Variants in ANK2 observed in about 807,000 individuals in gnomAD.
The protein encoded by ANK2 is ankyrin-2.
Under a neutral mutation model 360.5 loss-of-function variants are expected in ANK2, and 83 were observed. The observed-to-expected ratio is 0.23, with a 90% confidence interval of 0.19 to 0.28. The LOEUF (loss-of-function observed/expected upper bound fraction) is 0.28. ANK2 is among the 10% of genes least tolerant of loss of function. ANK2 has a pLI of 1.00. For synonymous variants in ANK2, 1,740 were observed against 1,759.5 expected, an observed-to-expected ratio of 0.99 and a Z score of 0.28; for missense variants, 4,201 against 4,795.7, an observed-to-expected ratio of 0.88 and a Z score of 3.66.
intron 37 of ANK2, 65 bp from the exon 38 acceptor site, chr4:113,352,980 A>T: frequency 1.9e-6 from 3 of 1,570,522 alleles, no homozygotes; most frequent in Non-Finnish European, 2.6e-6. Context: ...TTCAGTCCTG[A>T]TTACATTTGC....
At chr4:112,806,792 C>T in the ANK2 span, among the ~76,000 whole-genome samples, 1 of 152,134 alleles carries the variant, frequency 6.6e-6, no homozygotes, top group Non-Finnish European at 1.5e-5. Flanking sequence ...GATGACGCCA[C>T]TGTACTCCAG....
At chr4:113,271,813 G>A (rs903116717) in intron 14 of ANK2, among the ~76,000 whole-genome samples, 1 of 152,186 alleles carries the variant, frequency 6.6e-6, no homozygotes, top group African/African-American at 2.4e-5. Context: ...TGGACAGACT[G>A]GAGAGCAGGG....
chr4:113,373,639 T>G (rs769209231), intron 45 of ANK2, 190 bp downstream of exon 45: 1 of 770,018 alleles, frequency 1.3e-6, no homozygotes, highest in Non-Finnish European at 2.4e-6. Flanking sequence ...TCAGGGAGAC[T>G]TGTAGGCATT....
At chr4:113,140,276 A>G (rs1297257994) in intron 1 of ANK2, among the ~76,000 whole-genome samples, 1 of 150,358 alleles carries the variant, frequency 6.7e-6, no homozygotes, top group Non-Finnish European at 1.5e-5. Flanking sequence ...TGCAATAGGG[A>G]TAACCAAAGA....
intron 2 of ANK2, among the ~76,000 whole-genome samples, chr4:113,181,375 T>G (rs17445053): frequency 6.6e-6 from 1 of 151,948 alleles, no homozygotes; most frequent in East Asian, 1.9e-4. Context: ...TAGCTCATCT[T>G]AGATAGTAGA....
At chr4:112,932,001 G>T (rs2093287208) in intron 2 of ANK2, among the ~76,000 whole-genome samples, 2 of 152,144 alleles carry the variant, frequency 1.3e-5, no homozygotes, top group African/African-American at 4.8e-5. Flanking sequence ...GAATATTATA[G>T]TGCTCCTACT....
chr4:113,220,058 C>A (rs1422595219), intron 4 of ANK2, among the ~76,000 whole-genome samples: 6 of 152,092 alleles, frequency 3.9e-5, no homozygotes. Context: ...TTCCTCTTTG[C>A]TATAATTTCT....
At chr4:113,180,418 A>T (rs1308972684) in intron 2 of ANK2, among the ~76,000 whole-genome samples, 2 of 152,352 alleles carry the variant, frequency 1.3e-5, no homozygotes, top group Non-Finnish European at 2.9e-5. Flanking sequence ...AATGATGCTT[A>T]TTATAATAAT....
the ANK2 span, among the ~76,000 whole-genome samples, chr4:112,760,579 A>C: frequency 6.7e-6 from 1 of 149,870 alleles, no homozygotes; most frequent in Non-Finnish European, 1.5e-5. Flanking sequence ...TTTAGGGTAC[A>C]TGTGCACAAC....
intron 2 of ANK2, among the ~76,000 whole-genome samples, chr4:112,959,930 G>A (rs2033830991): frequency 6.6e-6 from 1 of 152,120 alleles, no homozygotes; most frequent in African/African-American, 2.4e-5. Context: ...CAATCCAGAG[G>A]CCAAGGCTTA....
chr4:113,370,785 C>T (rs1209427001), intron 43 of ANK2, among the ~76,000 whole-genome samples: 2 of 152,022 alleles, frequency 1.3e-5, no homozygotes, highest in Non-Finnish European at 2.9e-5. Flanking sequence ...AATTGATCAA[C>T]AATTTATTCT....
intron 41 of ANK2, among the ~76,000 whole-genome samples, chr4:113,366,856 T>G (rs574132423): frequency 6.6e-6 from 1 of 152,306 alleles, no homozygotes; most frequent in South Asian, 2.1e-4. Context: ...TTTTTATATC[T>G]TATATCTTGT....
chr4:112,710,623 AG>A, the ANK2 span, among the ~76,000 whole-genome samples: 1 of 151,810 alleles, frequency 6.6e-6, no homozygotes, highest in Non-Finnish European at 1.5e-5. Context: ...GCTTGGACTC[AG>A]GAGGTGGAGG....
At chr4:112,885,473 T>G (rs2078036676) in intron 1 of ANK2, among the ~76,000 whole-genome samples, 1 of 137,050 alleles carries the variant, frequency 7.3e-6, no homozygotes, top group Non-Finnish European at 1.5e-5. Flanking sequence ...CACTCCATCC[T>G]GGGCAACAGG....
the ANK2 span, among the ~76,000 whole-genome samples, chr4:112,735,197 C>G: frequency 1.3e-5 from 2 of 152,026 alleles, no homozygotes; most frequent in African/African-American, 4.8e-5. Flanking sequence ...CCAGCTTGGG[C>G]AACATAGTGA....
chr4:113,339,947 A>G (rs2094066585), intron 32 of ANK2, among the ~76,000 whole-genome samples: 1 of 152,220 alleles, frequency 6.6e-6, no homozygotes, highest in South Asian at 2.1e-4. Flanking sequence ...CATTTTACAG[A>G]TGAGAAAACT....
intron 4 of ANK2, among the ~76,000 whole-genome samples, chr4:113,204,268 T>C (rs1464914378): frequency 6.6e-6 from 1 of 152,128 alleles, no homozygotes; most frequent in Non-Finnish European, 1.5e-5. Flanking sequence ...TTTTACATGA[T>C]AAAAAAGGTA....
intron 1 of ANK2, among the ~76,000 whole-genome samples, chr4:113,137,785 CATT>C (rs2096491998): frequency 6.6e-6 from 1 of 152,090 alleles, no homozygotes; most frequent in African/African-American, 2.4e-5. Context: ...TATAGCTTAT[CATT>C]ATACAGATGA....
rs762444022 is a variant in ANK2, at chr4:113,240,471, C to T, written c.694-14C>T. ...TGAAGCGCTATACTGACTGTCATAT[C>T]TTTGCTTTCATAGAGTGGTTTTACC... On this transcript the variant is annotated splice_polypyrimidine_tract_variant and intron_variant, in intron 7 of 45. Transcript: ENST00000357077. The T allele has an allele frequency of 1.3e-6, 2 of 1,596,836 alleles. No homozygotes were observed. Among genetic ancestry groups the T allele is most frequent in the African/African-American group, 1.3e-5 (1 of 74,514 alleles).
Sources: allele counts gnomAD v4.1 joint callset (sites outside exome capture counted in the v4.1 genomes callset), GRCh38; gene constraint gnomAD v4.1.1; transcripts MANE v1.5; gene names NCBI Gene and HGNC (gene_info 2026-07-23, HGNC 2026-07-21).